The following NCALD variants were observed in gnomAD, a reference collection of about 807,000 sequenced individuals.
The protein encoded by NCALD is neurocalcin-delta.
In NCALD, 10 loss-of-function variants were observed where a neutral mutation model predicts 18.6. The observed-to-expected ratio is 0.54, with a 90% CI of 0.33 to 0.91. The LOEUF (loss-of-function observed/expected upper bound fraction) is 0.91, where lower values mean the gene tolerates loss of function less well. Ranked by LOEUF, NCALD falls within the 40% of genes least tolerant of loss-of-function variation. The probability of loss-of-function intolerance (pLI) is 0.03; values close to 1 mark genes in which losing one functional copy is unlikely to be tolerated. For missense variants in NCALD, 184 were observed against 247.6 expected (o/e 0.74, Z 1.72); for synonymous variants, 88 against 87.4 (o/e 1.01, Z -0.04).
At chr8:102,000,149 A>C (rs1488739713) in intron 2 of NCALD, among the ~76,000 whole-genome samples, 5 of 152,144 alleles carry the variant, frequency 3.3e-5, no homozygotes, top group Non-Finnish European at 1.5e-5. Context: ...GACGGATGGC[A>C]CCTGGAAAAT....
intron 1 of NCALD, among the ~76,000 whole-genome samples, chr8:101,768,713 A>G (rs1427873736): frequency 1.2e-5 from 1 of 81,304 alleles, no homozygotes; most frequent in Admixed American, 1.2e-4. Context: ...CATCTCAAAA[A>G]ACAAAAAAAC....
intron 1 of NCALD, among the ~76,000 whole-genome samples, chr8:101,760,260 T>C (rs1394634747): frequency 2.6e-5 from 4 of 152,314 alleles, no homozygotes; most frequent in Middle Eastern, 6.8e-3. Flanking sequence ...CAACGGGCTT[T>C]ATTTTTACAA....
intron 1 of NCALD, among the ~76,000 whole-genome samples, chr8:101,759,198 G>A (rs560561826): frequency 6.6e-6 from 1 of 152,212 alleles, no homozygotes; most frequent in Non-Finnish European, 1.5e-5. Context: ...AGTAGTGAAT[G>A]TTGATAATGA....
intron 2 of NCALD, among the ~76,000 whole-genome samples, chr8:102,015,754 A>C (rs1311780280): frequency 6.6e-6 from 1 of 152,188 alleles, no homozygotes; most frequent in Admixed American, 6.5e-5. Context: ...CCCCTTTGGC[A>C]GGGCATAGTA....
chr8:101,760,176 T>C (rs562620750), intron 1 of NCALD, among the ~76,000 whole-genome samples: 1 of 152,316 alleles, frequency 6.6e-6, no homozygotes, highest in Non-Finnish European at 1.5e-5. Flanking sequence ...CCTCAGATAT[T>C]GACAATTTGT....
At chr8:102,119,477 T>C (rs564432495) in intron 1 of NCALD, among the ~76,000 whole-genome samples, 1 of 152,322 alleles carries the variant, frequency 6.6e-6, no homozygotes, top group South Asian at 2.1e-4. Flanking sequence ...GAAGAAGTTC[T>C]GGAGATGGAT....
At chr8:102,002,959 T>C (rs1457500393) in intron 2 of NCALD, among the ~76,000 whole-genome samples, 1 of 151,644 alleles carries the variant, frequency 6.6e-6, no homozygotes, top group East Asian at 1.9e-4. Context: ...AACATCACAA[T>C]TAAAAGAACT....
At chr8:101,787,689 C>G (rs1812283826) in intron 1 of NCALD, among the ~76,000 whole-genome samples, 1 of 152,072 alleles carries the variant, frequency 6.6e-6, no homozygotes, top group Non-Finnish European at 1.5e-5. Context: ...ATCCAATAAG[C>G]CAAATAAGGT....
chr8:101,776,784 T>C (rs1037521544), intron 1 of NCALD, among the ~76,000 whole-genome samples: 10 of 152,204 alleles, frequency 6.6e-5, no homozygotes, highest in African/African-American at 2.4e-4. Flanking sequence ...AAGACTGATG[T>C]AGGTTTTAAA....
intron 1 of NCALD, among the ~76,000 whole-genome samples, chr8:102,021,976 T>C (rs1266085888): frequency 3.3e-5 from 5 of 152,078 alleles, no homozygotes; most frequent in East Asian, 3.9e-4. Context: ...ATCTGTAAAA[T>C]GGACATACAG....
intron 2 of NCALD, among the ~76,000 whole-genome samples, chr8:101,957,951 T>C (rs1819697244): frequency 6.6e-6 from 1 of 152,158 alleles, no homozygotes. Flanking sequence ...TAAAAAGATG[T>C]GCACTTCTCC....
At chr8:101,698,467 T>C (rs1206339638) in intron 2 of NCALD, among the ~76,000 whole-genome samples, 1 of 152,212 alleles carries the variant, frequency 6.6e-6, no homozygotes, top group Non-Finnish European at 1.5e-5. Flanking sequence ...AGAGCCTGTA[T>C]AGCCAAGACA....
intron 1 of NCALD, among the ~76,000 whole-genome samples, chr8:101,759,064 C>T (rs966715818): frequency 1.3e-5 from 2 of 152,118 alleles, no homozygotes; most frequent in Admixed American, 6.6e-5. Flanking sequence ...TTGTGATATT[C>T]GTGACAACCA....
At chr8:101,700,204 G>T (rs1815194430) in intron 2 of NCALD, among the ~76,000 whole-genome samples, 1 of 151,952 alleles carries the variant, frequency 6.6e-6, no homozygotes, top group Non-Finnish European at 1.5e-5. Flanking sequence ...GGGACCAAAG[G>T]CATGCACCAC....
intron 4 of NCALD, among the ~76,000 whole-genome samples, chr8:101,876,699 T>C (rs150208455): frequency 3.3e-5 from 5 of 152,272 alleles, no homozygotes; most frequent in Non-Finnish European, 2.9e-5. Context: ...AGAAAGAAAA[T>C]AAAATGTCAC....
At chr8:102,107,361 G>T (rs554421291) in intron 1 of NCALD, among the ~76,000 whole-genome samples, 1 of 151,350 alleles carries the variant, frequency 6.6e-6, no homozygotes, top group Non-Finnish European at 1.5e-5. Flanking sequence ...CTTTAACAAT[G>T]GCCCTGATAC....
chr8:101,894,176 T>G (rs1481083426), intron 3 of NCALD, among the ~76,000 whole-genome samples: 2 of 135,060 alleles, frequency 1.5e-5, no homozygotes, highest in African/African-American at 3.3e-5. Context: ...CAGACCACAG[T>G]GCAATCAAAC....
chr8:102,032,452 G>T (rs1414166315), intron 1 of NCALD, among the ~76,000 whole-genome samples: 1 of 151,608 alleles, frequency 6.6e-6, no homozygotes, highest in South Asian at 2.1e-4. Flanking sequence ...CTGAAAGATA[G>T]CGTAGAGAGA....
chr8:101,764,104 C>T (rs1250375606), intron 1 of NCALD, among the ~76,000 whole-genome samples: 8 of 151,504 alleles, frequency 5.3e-5, no homozygotes, highest in Non-Finnish European at 7.4e-5. Context: ...AGTAGGTGGA[C>T]GGATCTGAGT....
Sources: allele counts gnomAD v4.1 joint callset (sites outside exome capture counted in the v4.1 genomes callset), GRCh38; gene constraint gnomAD v4.1.1; transcripts MANE v1.5; gene names NCBI Gene and HGNC (gene_info 2026-07-23, HGNC 2026-07-21).